The following UST variants were observed in gnomAD, a reference collection of about 807,000 sequenced individuals.
UST encodes the protein uronyl 2-sulfotransferase.
UST carries 21 observed loss-of-function variants against 45.6 expected under a neutral mutation model. The observed-to-expected ratio is 0.46, with a 90% CI of 0.33 to 0.66. The LOEUF (loss-of-function observed/expected upper bound fraction) is 0.66. Ranked by LOEUF, UST falls within the 30% of genes least tolerant of loss-of-function variation. The pLI is 0.02. For missense variants in UST, 463 were observed against 512.4 expected (o/e 0.90, Z 0.93); for synonymous variants, 215 against 200.6 (o/e 1.07, Z -0.61).
At chr6:148,769,807 A>C (rs1776387237) in intron 1 of UST, among the ~76,000 whole-genome samples, 1 of 151,042 alleles carries the variant, frequency 6.6e-6, no homozygotes, top group Non-Finnish European at 1.5e-5. Context: ...ACTCATAAAA[A>C]TTCTGCCGCT....
At chr6:148,961,241 T>G (rs1195548998) in intron 4 of UST, among the ~76,000 whole-genome samples, 1 of 152,194 alleles carries the variant, frequency 6.6e-6, no homozygotes, top group Non-Finnish European at 1.5e-5. Flanking sequence ...TGGTAATGCC[T>G]GCTATTTTAG....
chr6:148,917,444 A>G (rs186781652), intron 2 of UST, among the ~76,000 whole-genome samples: 1 of 152,314 alleles, frequency 6.6e-6, no homozygotes, highest in East Asian at 1.9e-4. Flanking sequence ...GACCGTCTTT[A>G]CCCCATGAGT....
chr6:148,955,838 T>G (rs1780484558), intron 4 of UST: 1 of 152,186 alleles, frequency 6.6e-6, no homozygotes, highest in East Asian at 1.9e-4. Flanking sequence ...GCAACAAATT[T>G]TAAATATTTA....
intron 2 of UST, among the ~76,000 whole-genome samples, chr6:148,909,120 A>G (rs961456073): frequency 2.9e-4 from 35 of 121,536 alleles, no homozygotes; most frequent in African/African-American, 8.8e-4. Flanking sequence ...TTTATTGGAA[A>G]TAATATTTAT....
intron 5 of UST, among the ~76,000 whole-genome samples, chr6:148,986,617 A>C (rs1333666914): frequency 6.6e-6 from 1 of 152,246 alleles, no homozygotes; most frequent in East Asian, 1.9e-4. Context: ...TTGCCGGTAC[A>C]CCACTGATTT....
chr6:149,063,651 G>C (rs963288402), intron 7 of UST, among the ~76,000 whole-genome samples: 2 of 152,172 alleles, frequency 1.3e-5, no homozygotes, highest in Non-Finnish European at 2.9e-5. Flanking sequence ...TTTGTGCCCA[G>C]CTGTCTGTCT....
At chr6:148,822,397 C>T (rs1434049445) in intron 1 of UST, among the ~76,000 whole-genome samples, 1 of 152,158 alleles carries the variant, frequency 6.6e-6, no homozygotes, top group African/African-American at 2.4e-5. Flanking sequence ...TGTGTACACC[C>T]AATTCTCACA....
At chr6:148,780,110 C>T (rs200959662) in intron 1 of UST, among the ~76,000 whole-genome samples, 1 of 145,944 alleles carries the variant, frequency 6.9e-6, no homozygotes, top group African/African-American at 2.6e-5. Flanking sequence ...CACACAAATA[C>T]ATGTGTGTGT....
chr6:149,062,012 A>C (rs1776661726), intron 7 of UST, among the ~76,000 whole-genome samples: 1 of 152,256 alleles, frequency 6.6e-6, no homozygotes, highest in Non-Finnish European at 1.5e-5. Flanking sequence ...CAGTGTTTGA[A>C]TCTTCAGTTA....
At chr6:148,913,180 C>T (rs73778952) in intron 2 of UST, among the ~76,000 whole-genome samples, 2,769 of 152,182 alleles carry the variant, frequency 0.018, 89 homozygotes, top group African/African-American at 0.064. Flanking sequence ...AGGGAAATTG[C>T]CCAACTGGAA....
At chr6:148,878,793 A>G (rs1778771392) in intron 1 of UST, among the ~76,000 whole-genome samples, 1 of 151,426 alleles carries the variant, frequency 6.6e-6, no homozygotes, top group Non-Finnish European at 1.5e-5. Flanking sequence ...GGGATCAGGT[A>G]TGAGTGTGGA....
intron 1 of UST, among the ~76,000 whole-genome samples, chr6:148,866,588 C>T (rs1302970109): frequency 6.6e-6 from 1 of 152,186 alleles, no homozygotes; most frequent in Non-Finnish European, 1.5e-5. Flanking sequence ...ATTCTATTTT[C>T]CTGTACCTCA....
chr6:148,780,584 C>T (rs1402339041), intron 1 of UST, among the ~76,000 whole-genome samples: 1 of 152,160 alleles, frequency 6.6e-6, no homozygotes, highest in East Asian at 1.9e-4. Flanking sequence ...TAATGGCCTC[C>T]AGCTCCATCC....
intron 5 of UST, among the ~76,000 whole-genome samples, chr6:149,004,533 G>A (rs1029545297): frequency 6.6e-6 from 1 of 152,210 alleles, no homozygotes; most frequent in Admixed American, 6.5e-5. Flanking sequence ...AAATCCAGGA[G>A]TAGGTAACAT....
In UST at chr6:148,772,698, A is replaced by G. The variant is rs138332150; in HGVS notation, c.247+25021A>G. Among the ~76,000 whole-genome samples the G allele has an allele frequency of 1.8e-4, 27 of 152,274 alleles. No individual in the cohort carries two copies. The East Asian group carries it at 4.8e-3, about 27-fold the overall frequency. ...CTCGGCCTCCCAAAGTGCTGGGATT[A>G]CAGGTTGAGCCACCGTGTCCAGCCC... On this transcript the variant is annotated intron_variant, in intron 1 of 7. Coordinates refer to ENST00000367463, the MANE Select transcript of UST (RefSeq NM_005715.3).
intron 2 of UST, among the ~76,000 whole-genome samples, chr6:148,909,394 A>C (rs1391364402): frequency 6.6e-6 from 1 of 152,212 alleles, no homozygotes; most frequent in Non-Finnish European, 1.5e-5. Context: ...AGATACGGTC[A>C]TGGTTTCCTT....
At chr6:148,977,602 A>G (rs1018161822) in intron 5 of UST, among the ~76,000 whole-genome samples, 1 of 152,056 alleles carries the variant, frequency 6.6e-6, no homozygotes, top group Non-Finnish European at 1.5e-5. Flanking sequence ...ATACAAAAAA[A>G]TTAGCCGGAC....
intron 1 of UST, among the ~76,000 whole-genome samples, chr6:148,840,891 C>T (rs186441135): frequency 1.8e-3 from 276 of 152,186 alleles, no homozygotes; most frequent in African/African-American, 6.5e-3. Flanking sequence ...CTGCGTCTTC[C>T]CCTTCAGTGG....
At chr6:148,758,211 T>C (rs867372525) in intron 1 of UST, among the ~76,000 whole-genome samples, 15 of 152,204 alleles carry the variant, frequency 9.9e-5, no homozygotes, top group Admixed American at 5.9e-4. Flanking sequence ...AATACACAAT[T>C]ACTTCACTAG....
Sources: allele counts gnomAD v4.1 joint callset (sites outside exome capture counted in the v4.1 genomes callset), GRCh38; gene constraint gnomAD v4.1.1; transcripts MANE v1.5; gene names NCBI Gene and HGNC (gene_info 2026-07-23, HGNC 2026-07-21).